VTI1A: variants seen among roughly 807,000 people sequenced by gnomAD.
VTI1A encodes vesicle transport through interaction with t-SNAREs homolog 1A.
In VTI1A, 22 loss-of-function variants were observed where a neutral mutation model predicts 34.9. That is an observed-to-expected ratio of 0.63 (90% confidence interval 0.45 to 0.90). The LOEUF is 0.90. Ranked by LOEUF, VTI1A falls within the 40% of genes least tolerant of loss-of-function variation. The pLI is 0.00. For missense variants in VTI1A, 268 were observed against 275.6 expected (o/e 0.97, Z 0.20); for synonymous variants, 87 against 97.3 (o/e 0.89, Z 0.62).
At chr10:112,641,524 A>G (rs1846573944) in intron 5 of VTI1A, among the ~76,000 whole-genome samples, 1 of 152,156 alleles carries the variant, frequency 6.6e-6, no homozygotes, top group East Asian at 1.9e-4. Context: ...TTAGCAAGGA[A>G]TAGAAGTGGC....
chr10:112,494,238 A>G (rs1848934062), intron 3 of VTI1A, among the ~76,000 whole-genome samples: 1 of 152,078 alleles, frequency 6.6e-6, no homozygotes, highest in South Asian at 2.1e-4. Flanking sequence ...TAAATTCTTC[A>G]TAATATTTGT....
At chr10:112,629,244 C>T (rs1846039032) in intron 5 of VTI1A, among the ~76,000 whole-genome samples, 2 of 152,258 alleles carry the variant, frequency 1.3e-5, no homozygotes, top group South Asian at 4.1e-4. Flanking sequence ...ACCCATGCAT[C>T]ACATTCCTCC....
At chr10:112,811,324 T>C (rs1399635437) in intron 7 of VTI1A, among the ~76,000 whole-genome samples, 1 of 152,148 alleles carries the variant, frequency 6.6e-6, no homozygotes, top group African/African-American at 2.4e-5. Flanking sequence ...GTTAGATGCC[T>C]CCAGCTGGCA....
At chr10:112,555,097 T>G (rs1383009850) in intron 5 of VTI1A, among the ~76,000 whole-genome samples, 2 of 152,104 alleles carry the variant, frequency 1.3e-5, no homozygotes, top group Non-Finnish European at 2.9e-5. Context: ...ATAAGAATAA[T>G]GAGATTATAG....
chr10:112,651,406 T>G (rs10736224), intron 5 of VTI1A, among the ~76,000 whole-genome samples: 139,889 of 152,246 alleles, frequency 0.92, 65,400 homozygotes, highest in East Asian at 1. Context: ...CACCTCCCAG[T>G]TTCAAGTGAT....
At chr10:112,488,583 C>G (rs1303231172) in intron 3 of VTI1A, among the ~76,000 whole-genome samples, 1 of 152,166 alleles carries the variant, frequency 6.6e-6, no homozygotes, top group African/African-American at 2.4e-5. Context: ...TTATTTGATT[C>G]TGTATTCAGC....
Position 112,725,025 on chromosome 10 carries a change from G to C in VTI1A, c.560+56027G>C, listed in dbSNP as rs568771222. Among the ~76,000 whole-genome samples, 146 of 152,262 alleles carry C rather than the reference G, an allele frequency of 9.6e-4. 1 individual carries two copies. Among genetic ancestry groups the C allele is most frequent in the African/African-American group, 3.4e-3 (142 of 41,558 alleles). On this transcript the variant is annotated intron_variant, in intron 7 of 7. Transcript: ENST00000393077. Reference sequence around the variant, plus strand: ...TCAGTATGTATCTCTAGAACATACAGCATAACTTTTAAAAAACGTAATCAC... The same window carrying C: ...TCAGTATGTATCTCTAGAACATACACCATAACTTTTAAAAAACGTAATCAC...
intron 7 of VTI1A, among the ~76,000 whole-genome samples, chr10:112,801,921 C>T (rs1396920101): frequency 1.3e-5 from 2 of 152,210 alleles, no homozygotes; most frequent in East Asian, 3.8e-4. Context: ...AATCGGTTGA[C>T]TTTGGTTAAT....
chr10:112,470,029 T>C (rs1848026098), intron 3 of VTI1A, among the ~76,000 whole-genome samples: 1 of 152,196 alleles, frequency 6.6e-6, no homozygotes, highest in Non-Finnish European at 1.5e-5. Context: ...CACATGTTTT[T>C]CTTCTTTAAG....
intron 7 of VTI1A, among the ~76,000 whole-genome samples, chr10:112,728,703 G>GC (rs1850137299): frequency 6.6e-6 from 1 of 152,178 alleles, no homozygotes; most frequent in African/African-American, 2.4e-5. Flanking sequence ...AGGGGCTCAG[G>GC]CTACCCCTAG....
intron 7 of VTI1A, among the ~76,000 whole-genome samples, chr10:112,670,444 G>A (rs1468998869): frequency 5.9e-5 from 9 of 152,056 alleles, no homozygotes; most frequent in Non-Finnish European, 8.8e-5. Context: ...TAGTTTATGC[G>A]GGCTCTACGT....
In VTI1A at chr10:112,711,793, C is replaced by T. The variant is rs544233959; in HGVS notation, c.560+42795C>T. Among the ~76,000 whole-genome samples, 3 of 152,348 alleles carry T rather than the reference C, an allele frequency of 2.0e-5. No individual in the cohort carries two copies. In the East Asian group the frequency reaches 5.8e-4, roughly 29 times the overall value. On this transcript the variant is annotated intron_variant, in intron 7 of 7. Transcript: ENST00000393077. ...GGGACAACAACAGAAAATGAACTCT[C>T]TAACCAGATCGACGCTACAGTTTGT...
chr10:112,774,144 G>C (rs574636848), intron 7 of VTI1A, among the ~76,000 whole-genome samples: 19 of 152,334 alleles, frequency 1.2e-4, no homozygotes, highest in African/African-American at 4.6e-4. Context: ...GATGTGGAGG[G>C]TGTTGGAGAA....
At chr10:112,729,812 C>T (rs1354603426) in intron 7 of VTI1A, among the ~76,000 whole-genome samples, 2 of 152,230 alleles carry the variant, frequency 1.3e-5, no homozygotes, top group African/African-American at 2.4e-5. Flanking sequence ...GTGTAATCTA[C>T]AAAGACAGGG....
At chr10:112,681,206 C>A (rs763426647) in intron 7 of VTI1A, among the ~76,000 whole-genome samples, 3 of 151,844 alleles carry the variant, frequency 2.0e-5, no homozygotes, top group Non-Finnish European at 4.4e-5. Flanking sequence ...CTTAGCCTCC[C>A]AAGTAGCTGC....
At chr10:112,698,072 A>T (rs898694042) in intron 7 of VTI1A, among the ~76,000 whole-genome samples, 3 of 152,214 alleles carry the variant, frequency 2.0e-5, no homozygotes, top group Non-Finnish European at 4.4e-5. Context: ...TTCATAATGT[A>T]ACATAAGCTA....
intron 7 of VTI1A, among the ~76,000 whole-genome samples, chr10:112,713,479 T>A (rs1008861777): frequency 2.6e-5 from 4 of 152,158 alleles, no homozygotes; most frequent in African/African-American, 9.7e-5. Context: ...ATTATTTTCT[T>A]TTACCGATGA....
At chr10:112,722,726 G>A (rs1043482080) in intron 7 of VTI1A, among the ~76,000 whole-genome samples, 16 of 151,932 alleles carry the variant, frequency 1.1e-4, no homozygotes, top group African/African-American at 1.7e-4. Context: ...AGGCCCCACC[G>A]CAGACCAAAT....
chr10:112,586,265 A>G (rs965949476), intron 5 of VTI1A, among the ~76,000 whole-genome samples: 1 of 152,066 alleles, frequency 6.6e-6, no homozygotes, highest in Non-Finnish European at 1.5e-5. Flanking sequence ...CTTGGTTGCT[A>G]TTTATTCTGG....
Sources: gnomAD v4.1 joint callset for allele counts (sites outside exome capture counted in the v4.1 genomes callset) on GRCh38, gnomAD v4.1.1 for gene constraint, MANE v1.5 for transcripts, NCBI Gene and HGNC (gene_info 2026-07-23, HGNC 2026-07-21) for gene names.